The following PIP4K2A variants were observed in gnomAD, a reference collection of about 807,000 sequenced individuals.
The protein encoded by PIP4K2A is phosphatidylinositol 5-phosphate 4-kinase type-2 alpha.
A neutral mutation model predicts 42.9 loss-of-function variants in PIP4K2A; 14 were observed. That is an observed-to-expected ratio of 0.33 (90% CI 0.22 to 0.51). The LOEUF (loss-of-function observed/expected upper bound fraction) is 0.51. Ranked by LOEUF, PIP4K2A falls within the 20% of genes least tolerant of loss-of-function variation. The pLI, the probability that PIP4K2A is intolerant of heterozygous loss-of-function variation, is 0.97. For synonymous variants in PIP4K2A, 192 were observed against 192.2 expected (o/e 1.00, Z 0.01); for missense variants, 434 against 519.8 (o/e 0.83, Z 1.61).
intron 4 of PIP4K2A, among the ~76,000 whole-genome samples, chr10:22,582,891 T>TAAAAAAAAAAAAAAA (rs57477195): frequency 8.4e-6 from 1 of 118,682 alleles, no homozygotes; most frequent in African/African-American, 3.1e-5. Flanking sequence ...CGTCTTGAAG[T>TAAAAAAAAAAAAAAA]AAAAAAAAAA....
At chr10:22,612,809 G>A (rs1413865725) in intron 1 of PIP4K2A, among the ~76,000 whole-genome samples, 1 of 152,154 alleles carries the variant, frequency 6.6e-6, no homozygotes, top group Non-Finnish European at 1.5e-5. Flanking sequence ...GCGCTCTTGG[G>A]ACATCTAAGT....
At chr10:22,577,061 G>C (rs916601227) in intron 4 of PIP4K2A, among the ~76,000 whole-genome samples, 3 of 117,926 alleles carry the variant, frequency 2.5e-5, no homozygotes, top group African/African-American at 9.9e-5. Context: ...CTGGGTGACA[G>C]AGCAAACTCC....
chr10:22,685,665 A>T (rs1473144893), intron 1 of PIP4K2A, among the ~76,000 whole-genome samples: 1 of 152,156 alleles, frequency 6.6e-6, no homozygotes, highest in African/African-American at 2.4e-5. Flanking sequence ...AGGCTGTGGT[A>T]AGCTATGATC....
In PIP4K2A at chr10:22,599,719, G is replaced by A. The variant is rs143770483; in HGVS notation, c.340-7938C>T. On this transcript the variant is annotated intron_variant, in intron 3 of 9. Transcript: ENST00000376573. ...AGTTCATTTTCGCCTATTTTGCAAC[G>A]TGGTGAATAAATGTACTTTTCCCAT... 7.5e-4 allele frequency among the ~76,000 whole-genome samples: 114 copies of A among 152,286 alleles called. 1 individual carries two copies. The highest frequency in any genetic ancestry group is 2.5e-3 in the African/African-American group (104 of 41,562).
intron 1 of PIP4K2A, among the ~76,000 whole-genome samples, chr10:22,643,626 T>C (rs1417551195): frequency 1.3e-5 from 2 of 152,130 alleles, no homozygotes; most frequent in Non-Finnish European, 2.9e-5. Flanking sequence ...AGAGTCATAA[T>C]TTCTCATCAG....
chr10:22,619,439 C>CTT (rs746519034), intron 1 of PIP4K2A, among the ~76,000 whole-genome samples: 16,128 of 137,400 alleles, frequency 0.12, 1,130 homozygotes, highest in Middle Eastern at 0.18. Flanking sequence ...TTTCTTTTTT[C>CTT]TTTTTTTTTT....
intron 3 of PIP4K2A, among the ~76,000 whole-genome samples, chr10:22,599,397 G>A (rs1297137865): frequency 6.6e-6 from 1 of 152,162 alleles, no homozygotes; most frequent in Non-Finnish European, 1.5e-5. Flanking sequence ...TCATATGGAT[G>A]TAACCATACA....
intron 7 of PIP4K2A, among the ~76,000 whole-genome samples, chr10:22,550,380 A>G (rs944407738): frequency 2.6e-5 from 4 of 152,178 alleles, no homozygotes; most frequent in South Asian, 2.1e-4. Context: ...GGGCCATCCC[A>G]ATACAGAATA....
At chr10:22,564,162 CG>C (rs1194617217) in intron 6 of PIP4K2A, among the ~76,000 whole-genome samples, 1 of 152,140 alleles carries the variant, frequency 6.6e-6, no homozygotes, top group African/African-American at 2.4e-5. Context: ...AACAGCGGAA[CG>C]GAAGATAGGT....
intron 1 of PIP4K2A, among the ~76,000 whole-genome samples, chr10:22,699,980 G>A (rs1833684623): frequency 6.6e-6 from 1 of 152,180 alleles, no homozygotes; most frequent in Non-Finnish European, 1.5e-5. Flanking sequence ...TCATTTGATG[G>A]AAGGAATACA....
chr10:22,704,149 C>G (rs781614691), intron 1 of PIP4K2A, among the ~76,000 whole-genome samples: 1 of 152,102 alleles, frequency 6.6e-6, no homozygotes, highest in Non-Finnish European at 1.5e-5. Context: ...AGCCATGAGA[C>G]TAAATGAAAT....
chr10:22,608,075 C>A, intron 2 of PIP4K2A, 52 bp from the exon 3 acceptor site: 1 of 1,168,842 alleles, frequency 8.6e-7, no homozygotes, highest in Non-Finnish European at 1.3e-6. Flanking sequence ...ATCAGACTTG[C>A]ATCTGCCACC....
intron 1 of PIP4K2A, among the ~76,000 whole-genome samples, chr10:22,705,612 A>G (rs1485791121): frequency 6.6e-6 from 1 of 151,694 alleles, no homozygotes; most frequent in Non-Finnish European, 1.5e-5. Context: ...ATTTACCCTG[A>G]TGGGTGTTTC....
chr10:22,559,774 G>C (rs1012340217), intron 6 of PIP4K2A, among the ~76,000 whole-genome samples: 2 of 152,170 alleles, frequency 1.3e-5, no homozygotes, highest in Non-Finnish European at 2.9e-5. Context: ...TCTGGAGGAA[G>C]GTCCAGGAAA....
intron 1 of PIP4K2A, among the ~76,000 whole-genome samples, chr10:22,612,539 C>T (rs1838073829): frequency 6.6e-6 from 1 of 152,144 alleles, no homozygotes; most frequent in South Asian, 2.1e-4. Context: ...CCCAGGAGCA[C>T]CGGGAAGCGG....
chr10:22,560,196 A>T (rs1371642149), intron 6 of PIP4K2A, among the ~76,000 whole-genome samples: 2 of 152,178 alleles, frequency 1.3e-5, no homozygotes, highest in Non-Finnish European at 2.9e-5. Flanking sequence ...CATTAGCTGA[A>T]TTGAGGGCCT....
At chr10:22,553,102 GA>G (rs901573546) in intron 6 of PIP4K2A, among the ~76,000 whole-genome samples, 4 of 152,120 alleles carry the variant, frequency 2.6e-5, no homozygotes, top group Non-Finnish European at 4.4e-5. Flanking sequence ...TGACTAAGCT[GA>G]CTTGTGAATT....
chr10:22,604,936 G>A (rs568610328), intron 3 of PIP4K2A, among the ~76,000 whole-genome samples: 1 of 152,314 alleles, frequency 6.6e-6, no homozygotes, highest in South Asian at 2.1e-4. Flanking sequence ...CTGAATCCCT[G>A]CAGTATACAG....
chr10:22,678,296 G>A (rs1014111767), intron 1 of PIP4K2A, among the ~76,000 whole-genome samples: 6 of 151,786 alleles, frequency 4.0e-5, no homozygotes, highest in South Asian at 2.1e-4. Flanking sequence ...CAGCAGATAC[G>A]GCACCACACA....
Sources: gnomAD v4.1 joint callset for allele counts (sites outside exome capture counted in the v4.1 genomes callset) on GRCh38, gnomAD v4.1.1 for gene constraint, MANE v1.5 for transcripts, NCBI Gene and HGNC (gene_info 2026-07-23, HGNC 2026-07-21) for gene names.